PCDHGA5: variants seen among roughly 807,000 people sequenced by gnomAD.
PCDHGA5 encodes the protein protocadherin gamma-A5.
A neutral mutation model predicts 56.7 loss-of-function variants in PCDHGA5; 36 were observed. The ratio of observed to expected loss-of-function variants is 0.64; its 90% CI spans 0.49 to 0.84. PCDHGA5 has a LOEUF of 0.84. Among genes scored for constraint, PCDHGA5 ranks in the 40% least tolerant of loss-of-function variants. The probability of loss-of-function intolerance (pLI) is 0.00; values close to 1 mark genes in which losing one functional copy is unlikely to be tolerated. For missense variants in PCDHGA5, 1,305 were observed against 1,201.5 expected, an observed-to-expected ratio of 1.09 and a Z score of -1.27; for synonymous variants, 563 against 520.2, an observed-to-expected ratio of 1.08 and a Z score of -1.12.
chr5:141,409,341 G>C, intron 1 of PCDHGA5: 1 of 1,613,976 alleles, frequency 6.2e-7, no homozygotes, highest in Non-Finnish European at 8.5e-7. Flanking sequence ...GGAGGAAATG[G>C]AGAAGTCAGG....
chr5:141,364,204 A>C lies in PCDHGA5; in HGVS notation c.-127A>C, dbSNP rs1763216193. ...TCCATACTAAACACACAGACCAGACAAGCTCCTACGAAAAGCCAACGCTCC... is the reference window on the plus strand; with the variant it reads ...TCCATACTAAACACACAGACCAGACCAGCTCCTACGAAAAGCCAACGCTCC... On this transcript the variant is annotated 5_prime_UTR_variant, in exon 1 of 4. Transcript: ENST00000518069. 1.7e-6 allele frequency: 2 copies of C among 1,155,836 alleles called. No homozygotes were observed. Among genetic ancestry groups the C allele is most frequent in the East Asian group, 5.3e-5 (2 of 37,544 alleles). The allele number at this position is 1,155,836 out of a possible 1,614,324, so 71.6% of individuals were successfully genotyped here.
chr5:141,423,219 T>G (rs775170753), intron 1 of PCDHGA5: 4 of 1,613,752 alleles, frequency 2.5e-6, no homozygotes, highest in Non-Finnish European at 3.4e-6. Context: ...TCACCGTGGC[T>G]GTGGCCGACA....
intron 1 of PCDHGA5, chr5:141,388,667 G>A (rs1561620639): frequency 1.2e-6 from 2 of 1,613,918 alleles, no homozygotes; most frequent in Non-Finnish European, 8.5e-7. Flanking sequence ...GGACCACGGT[G>A]CTACAGGTGA....
intron 1 of PCDHGA5, chr5:141,416,286 T>C (rs1415036175): frequency 2.0e-5 from 3 of 152,304 alleles, no homozygotes; most frequent in Non-Finnish European, 4.4e-5. Context: ...AATTCTCTAA[T>C]TTCACACTGC....
intron 1 of PCDHGA5, among the ~76,000 whole-genome samples, chr5:141,448,287 C>G (rs1394399947): frequency 6.6e-6 from 1 of 152,130 alleles, no homozygotes; most frequent in Non-Finnish European, 1.5e-5. Flanking sequence ...GCAACTTGCT[C>G]TTTCCACTTA....
chr5:141,507,101 T>C (rs1341285140), intron 3 of PCDHGA5: 2 of 152,204 alleles, frequency 1.3e-5, no homozygotes, highest in African/African-American at 2.4e-5. Flanking sequence ...CTTTCTACTA[T>C]AGGGACCATG....
chr5:141,427,355 C>A (rs765449381), intron 1 of PCDHGA5: 9 of 457,430 alleles, frequency 2.0e-5, no homozygotes, highest in Non-Finnish European at 3.5e-5. Context: ...TAACTGAGGA[C>A]GCAGAACCCT....
At chr5:141,454,311 T>C (rs755771201) in intron 1 of PCDHGA5, among the ~76,000 whole-genome samples, 1 of 152,216 alleles carries the variant, frequency 6.6e-6, no homozygotes, top group Non-Finnish European at 1.5e-5. Context: ...TTTCAAAGCA[T>C]TGAAACCTCC....
rs1051300319 is a variant in PCDHGA5 at position 141,491,957 on chromosome 5, A to T, written c.2422-2850A>T. ...GACCGACCCCCACCCCTACACTCAA[A>T]AAAGGCCGGGGCCTCCTTCGAGCTT... is the stretch of plus-strand genomic sequence containing the variant. On this transcript the variant is annotated intron_variant, in intron 1 of 3. Coordinates refer to ENST00000518069, the MANE Select transcript of PCDHGA5 (RefSeq NM_018918.3). The surrounding 1 kb of genome is among the most constrained non-coding windows in gnomAD (Gnocchi z 6.9). 3.6e-5 allele frequency: 37 copies of T among 1,020,096 alleles called. No individual in the cohort carries two copies. The highest frequency in any genetic ancestry group is 5.0e-5 in the Non-Finnish European group (37 of 736,248). The allele number at this position is 1,020,096 out of a possible 1,614,324, so 63.2% of individuals were successfully genotyped here.
At chr5:141,397,965 C>A in intron 1 of PCDHGA5, 1 of 1,077,484 alleles carries the variant, frequency 9.3e-7, no homozygotes. Flanking sequence ...AGCTCAGACT[C>A]CCCAGCGCCG....
At position 141,486,931 on chromosome 5, in the gene PCDHGA5, T is replaced by C. The variant is rs201042803; in HGVS notation, c.2422-7876T>C. 2 of 1,614,258 alleles carry C rather than the reference T, an allele frequency of 1.2e-6. No homozygotes were observed. Among genetic ancestry groups the C allele is most frequent in the East Asian group, 2.2e-5 (1 of 44,876 alleles). ...AAGCACTGCCTCCATCAGTTGGTGC[T>C]GGCCACCTAATCACAAAGGTGACTG... On this transcript the variant is annotated intron_variant, in intron 1 of 3. Coordinates refer to ENST00000518069, the MANE Select transcript of PCDHGA5 (RefSeq NM_018918.3). This position sits in a 1 kb window ranked among gnomAD's most constrained non-coding sequence, Gnocchi z 5.0.
Position 141,398,862 on chromosome 5 carries a change from C to G in PCDHGA5, c.2421+32111C>G, listed in dbSNP as rs771326288. On this transcript the variant is annotated intron_variant, in intron 1 of 3. Transcript: ENST00000518069. ...ATAATCCCCCGGTATTCAACCGAGA[C>G]GTGTACAGAGTCAGCCTTCGGGAAA... 4 of 1,613,848 alleles carry G rather than the reference C, an allele frequency of 2.5e-6. No individual in the cohort carries two copies. The African/African-American group carries it at 5.3e-5, about 22-fold the overall frequency.
chr5:141,494,785 T>G, intron 1 of PCDHGA5, 22 bp from the exon 2 acceptor site: 1 of 1,614,016 alleles, frequency 6.2e-7, no homozygotes, highest in Non-Finnish European at 8.5e-7. Flanking sequence ...ACTCAGCCCC[T>G]TTCCCTCTGT....
intron 1 of PCDHGA5, chr5:141,393,662 A>G (rs1442061423): frequency 6.2e-7 from 1 of 1,613,816 alleles, no homozygotes; most frequent in African/African-American, 1.3e-5. Context: ...AATTCCGGAA[A>G]ATTAATGAAA....
intron 1 of PCDHGA5, chr5:141,370,893 C>A (rs116495533): frequency 6.2e-7 from 1 of 1,613,944 alleles, no homozygotes; most frequent in African/African-American, 1.3e-5. Flanking sequence ...TGTCAATTCG[C>A]TGCAGCAGTA....
chr5:141,388,379 C>T (rs901735153), intron 1 of PCDHGA5: 1 of 1,613,998 alleles, frequency 6.2e-7, no homozygotes, highest in South Asian at 1.1e-5. Flanking sequence ...TTGGTAGCAA[C>T]ACACTGCAGA....
chr5:141,374,968 T>C, intron 1 of PCDHGA5: 2 of 1,614,056 alleles, frequency 1.2e-6, no homozygotes, highest in Non-Finnish European at 8.5e-7. Flanking sequence ...TCTGTTTGAA[T>C]GTTTTGACTG....
At position 141,366,618 on chromosome 5, in the gene PCDHGA5, C is replaced by G. The variant is rs781279706; in HGVS notation, c.2288C>G (p.Ser763Trp). 1.6e-5 allele frequency: 26 copies of G among 1,614,114 alleles called. No individual in the cohort carries two copies. The highest frequency in any genetic ancestry group is 3.3e-4 in the Middle Eastern group (2 of 6,084). ...CACGAGGTCTCCCTCACCGCGGACT[C>G]GAGGAAGAGTCACCTGATCTTTCCC... ...YSHEVSLTAD[S>W]RKSHLIFPQP... The change falls in exon 1 of 4, where the codon TCG becomes TGG. Residue 763 changes from serine (S) to tryptophan (W), a missense_variant. Coordinates refer to ENST00000518069, the MANE Select transcript of PCDHGA5 (RefSeq NM_018918.3).
chr5:141,403,598 G>A (rs2094431142), intron 1 of PCDHGA5: 1 of 1,613,702 alleles, frequency 6.2e-7, no homozygotes, highest in Non-Finnish European at 8.5e-7. Flanking sequence ...CACGGCCTCG[G>A]ATGGCGGCGA....
Sources: gnomAD v4.1 joint callset for allele counts (sites outside exome capture counted in the v4.1 genomes callset) on GRCh38, gnomAD v4.1.1 for gene constraint, Gnocchi (gnomAD v3.1) non-coding constraint, MANE v1.5 for transcripts, NCBI Gene and HGNC (gene_info 2026-07-23, HGNC 2026-07-21) for gene names.